Variants in FLNB observed in about 807,000 individuals in gnomAD.
FLNB encodes filamin-B.
Under a neutral mutation model 250.6 loss-of-function variants are expected in FLNB, and 111 were observed. The observed-to-expected ratio is 0.44, with a 90% CI of 0.38 to 0.52. The LOEUF (loss-of-function observed/expected upper bound fraction) is 0.52, where lower values mean the gene tolerates loss of function less well. Ranked by LOEUF, FLNB falls within the 20% of genes least tolerant of loss-of-function variation. FLNB has a pLI of 0.00. For missense variants in FLNB, 2,869 were observed against 3,447.8 expected, an observed-to-expected ratio of 0.83 and a Z score of 4.20; for synonymous variants, 1,302 against 1,372.1, an observed-to-expected ratio of 0.95 and a Z score of 1.13.
intron 4 of FLNB, among the ~76,000 whole-genome samples, chr3:58,083,567 A>G (rs929318846): frequency 6.6e-6 from 1 of 151,780 alleles, no homozygotes; most frequent in Non-Finnish European, 1.5e-5. Context: ...GGGTTTCACC[A>G]TGTTGGCCAG....
At chr3:58,065,046 CA>C (rs56191321) in intron 1 of FLNB, among the ~76,000 whole-genome samples, 1 of 149,874 alleles carries the variant, frequency 6.7e-6, no homozygotes, top group Non-Finnish European at 1.5e-5. Flanking sequence ...GACCCTGTCT[CA>C]AAAAAAAAAT....
rs547483938 is a variant in FLNB, at chr3:58,090,559, G to A, written c.788-4277G>A. Among the ~76,000 whole-genome samples the A allele has an allele frequency of 3.3e-5, 5 of 152,104 alleles. No homozygotes were observed. The South Asian group carries it at 8.3e-4, about 25-fold the overall frequency. ...ATCATCACAAATACATGAGTAATGC[G>A]ATGCGTTACTGTGACGTCAGTAGGC... On this transcript the variant is annotated intron_variant, in intron 4 of 45. Coordinates refer to ENST00000295956, the MANE Select transcript of FLNB (RefSeq NM_001457.4).
At chr3:58,143,404 C>T (rs183278497) in intron 31 of FLNB, 69 bp from the exon 32 acceptor site, 2 of 1,559,590 alleles carry the variant, frequency 1.3e-6, no homozygotes, top group South Asian at 2.2e-5. Flanking sequence ...TACATCTGTG[C>T]CTTGGGCTCT....
intron 1 of FLNB, among the ~76,000 whole-genome samples, chr3:58,060,540 A>G (rs1254319313): frequency 1.3e-5 from 2 of 151,532 alleles, no homozygotes; most frequent in African/African-American, 4.8e-5. Flanking sequence ...TTTAGTAGAG[A>G]TGGGGTTTTG....
At chr3:58,067,961 C>G (rs1341985367) in intron 1 of FLNB, among the ~76,000 whole-genome samples, 1 of 152,160 alleles carries the variant, frequency 6.6e-6, no homozygotes, top group Non-Finnish European at 1.5e-5. Context: ...GTTGGCAGGG[C>G]ATCTGATACT....
chr3:58,148,867 A>G lies in FLNB; in HGVS notation c.6091+15A>G. On this transcript the variant is annotated intron_variant, in intron 36 of 45. Coordinates refer to ENST00000295956, the MANE Select transcript of FLNB (RefSeq NM_001457.4). ...AAGGGATGCAGGTCTGTGTGGTCCC[A>G]GGGGAGAGGCCCAGAGCTTGTGGGA... 6.2e-7 allele frequency: 1 copy of G among 1,607,586 alleles called. No homozygotes were observed. The highest frequency in any genetic ancestry group is 8.5e-7 in the Non-Finnish European group (1 of 1,177,994).
Position 58,123,366 on chromosome 3 carries a change from T to C in FLNB, c.3400T>C (p.Ser1134Pro), listed in dbSNP as rs1456568854. ...KADIEMPFDP[S>P]KVVASGPGLE... is the part of the protein sequence containing the mutation. ...TGACATTGAAATGCCCTTTGACCCCTCTAAAGTCGTGGCATCGGGGCCAGG... is the reference window on the plus strand; with the variant it reads ...TGACATTGAAATGCCCTTTGACCCCCCTAAAGTCGTGGCATCGGGGCCAGG... Residue 1134 changes from serine to proline, a missense_variant, in exon 21 of 46, where the codon TCT becomes CCT. Ser to Pro is a moderately conservative substitution (Grantham distance 74, BLOSUM62 -1). This residue lies in a region of FLNB where 1,348 missense variants were observed against 1,466.7 expected (regional missense o/e 0.92). Coordinates refer to ENST00000295956, the MANE Select transcript of FLNB (RefSeq NM_001457.4). 2.5e-6 allele frequency: 4 copies of C among 1,613,982 alleles called. No homozygotes were observed. Among genetic ancestry groups the C allele is most frequent in the Non-Finnish European group, 3.4e-6 (4 of 1,180,036 alleles).
At position 58,149,868 on chromosome 3, in the gene FLNB, T is replaced by C; in HGVS notation, c.6110T>C (p.Leu2037Ser). ...TRDAGYGGIS[L>S]AVEGPSKVDI... ...GTTGCAGGTTATGGTGGCATATCCT[T>C]GGCGGTGGAAGGCCCCAGCAAAGTG... The change falls in exon 37 of 46, where the codon TTG becomes TCG. Residue 2037 changes from leucine (L) to serine (S), a missense_variant. Leu to Ser is a moderately radical substitution (Grantham distance 145). Around this residue, in one of 5 missense-constraint regions of FLNB, gnomAD observed 1,084 missense variants for 1,315.5 expected, o/e 0.82. Coordinates refer to ENST00000295956, the MANE Select transcript of FLNB (RefSeq NM_001457.4). 6.2e-7 allele frequency: 1 copy of C among 1,614,256 alleles called. No homozygotes were observed. Among genetic ancestry groups the C allele is most frequent in the Non-Finnish European group, 8.5e-7 (1 of 1,180,044 alleles).
chr3:58,109,482 G>A (rs1477854600), intron 14 of FLNB, 94 bp from the exon 15 acceptor site: 9 of 1,606,976 alleles, frequency 5.6e-6, no homozygotes, highest in East Asian at 2.2e-5. Context: ...GCTCCAGCCT[G>A]CTCAGAAGAA....
intron 6 of FLNB, 114 bp downstream of exon 6, chr3:58,096,332 A>G (rs2107050018): frequency 2.5e-6 from 2 of 794,238 alleles, no homozygotes; most frequent in Admixed American, 2.0e-5. Flanking sequence ...CTTTCTGATT[A>G]TAGAAGGATC....
chr3:58,165,451 T>C (rs1241929041), intron 43 of FLNB: 3 of 152,240 alleles, frequency 2.0e-5, no homozygotes, highest in Non-Finnish European at 4.4e-5. Context: ...CCCAAGCCTT[T>C]CCCTAAATAT....
intron 42 of FLNB, among the ~76,000 whole-genome samples, chr3:58,160,537 CA>C (rs1440404514): frequency 6.6e-6 from 1 of 152,164 alleles, no homozygotes; most frequent in Non-Finnish European, 1.5e-5. Context: ...TAAAGATGGT[CA>C]GAGCAGGAGA....
At chr3:58,156,513 G>A (rs2097353556) in intron 41 of FLNB, among the ~76,000 whole-genome samples, 1 of 152,174 alleles carries the variant, frequency 6.6e-6, no homozygotes, top group South Asian at 2.1e-4. Flanking sequence ...TAAGTGTGCA[G>A]GGAACTATAT....
At chr3:58,067,095 C>T (rs2106906317) in intron 1 of FLNB, among the ~76,000 whole-genome samples, 1 of 152,280 alleles carries the variant, frequency 6.6e-6, no homozygotes, top group South Asian at 2.1e-4. Context: ...GGCCACGACT[C>T]CCCCATGCCA....
In FLNB at chr3:58,019,936, GA is replaced by G. The variant is rs1191397812; in HGVS notation, c.292+11081del. On this transcript the variant is annotated intron_variant, in intron 1 of 45. Coordinates refer to ENST00000295956, the MANE Select transcript of FLNB (RefSeq NM_001457.4). ...GGACCAGCTAAAGGTTGCTTTGGAG[GA>G]GGTGGGCAGGGCTTTTGTTTGTGAG... 1.9e-4 allele frequency among the ~76,000 whole-genome samples: 29 copies of G among 152,342 alleles called. No individual in the cohort carries two copies. In the South Asian group the frequency reaches 6.0e-3, roughly 32 times the overall value.
intron 1 of FLNB, among the ~76,000 whole-genome samples, chr3:58,053,156 A>C (rs2097165151): frequency 1.3e-5 from 2 of 152,338 alleles, no homozygotes; most frequent in South Asian, 4.1e-4. Flanking sequence ...TTTGAACTTT[A>C]GACTTCCCAT....
At chr3:58,101,781 G>A (rs894706057) in intron 8 of FLNB, among the ~76,000 whole-genome samples, 1 of 152,314 alleles carries the variant, frequency 6.6e-6, no homozygotes, top group East Asian at 1.9e-4. Flanking sequence ...ACCCAGACAG[G>A]CATTTTCAAG....
chr3:58,014,511 G>C (rs140805461), intron 1 of FLNB, among the ~76,000 whole-genome samples: 2 of 152,338 alleles, frequency 1.3e-5, no homozygotes, highest in East Asian at 3.9e-4. Context: ...AGCCGCCTTC[G>C]TTCTTGGAGA....
intron 39 of FLNB, among the ~76,000 whole-genome samples, chr3:58,154,026 C>A (rs2097349475): frequency 6.6e-6 from 1 of 152,026 alleles, no homozygotes; most frequent in Non-Finnish European, 1.5e-5. Context: ...GTGGGAAGAT[C>A]TGTAGGGAAA....
Sources: allele counts gnomAD v4.1 joint callset (sites outside exome capture counted in the v4.1 genomes callset), GRCh38; gene constraint gnomAD v4.1.1; regional missense constraint gnomAD v4.1.1; transcripts MANE v1.5; gene names NCBI Gene and HGNC (gene_info 2026-07-23, HGNC 2026-07-21).